Variants in HCK observed in about 807,000 individuals in gnomAD.
HCK encodes HCK proto-oncogene, Src family tyrosine kinase.
Under a neutral mutation model 70.4 loss-of-function variants are expected in HCK, and 40 were observed. That is an observed-to-expected ratio of 0.57 (90% CI 0.44 to 0.74). HCK has a LOEUF of 0.74. HCK is among the 30% of genes least tolerant of loss of function. The probability of loss-of-function intolerance (pLI) is 0.00; values close to 1 mark genes in which losing one functional copy is unlikely to be tolerated. For synonymous variants in HCK, 245 were observed against 263.2 expected, an observed-to-expected ratio of 0.93 and a Z score of 0.67; for missense variants, 568 against 697.2, an observed-to-expected ratio of 0.81 and a Z score of 2.09.
chr20:32,086,508 G>A (rs2045788692), intron 8 of HCK, 120 bp from the exon 9 acceptor site: 2 of 810,566 alleles, frequency 2.5e-6, no homozygotes, highest in Admixed American at 5.9e-5. Flanking sequence ...TTCCCTCTCT[G>A]AGAGTTGAGA....
chr20:32,064,559 G>A (rs762820738), intron 1 of HCK, among the ~76,000 whole-genome samples: 1 of 152,232 alleles, frequency 6.6e-6, no homozygotes, highest in Non-Finnish European at 1.5e-5. Context: ...TCAGAGACAA[G>A]TTGAGACTTG....
intron 6 of HCK, among the ~76,000 whole-genome samples, chr20:32,081,667 T>C (rs2045711149): frequency 6.6e-6 from 1 of 152,108 alleles, no homozygotes; most frequent in South Asian, 2.1e-4. Context: ...GGCAGCTCAG[T>C]GAATGCCTGG....
At chr20:32,052,528 AG>A in intron 1 of HCK, 42 bp downstream of exon 1, 1 of 1,242,702 alleles carries the variant, frequency 8.0e-7, no homozygotes, top group African/African-American at 1.6e-5. Flanking sequence ...CCGGCCCGCG[AG>A]GGGTCCCAGG....
chr20:32,084,067 A>C (rs1159463770), intron 7 of HCK, 24 bp downstream of exon 7: 1 of 1,609,334 alleles, frequency 6.2e-7, no homozygotes, highest in South Asian at 1.1e-5. Context: ...CAGGGGTGAC[A>C]TCCCCACCAC....
Position 32,073,713 on chromosome 20 carries a change from C to T in HCK, c.227-3C>T, listed in dbSNP as rs751505417. The stretch of plus-strand genomic sequence containing the variant: ...CTCACCCTCTGTGTGTCTCCCTTCC[C>T]AGCAGGCTCTGAGGACATCATCGTG... On this transcript the variant is annotated splice_region_variant and splice_polypyrimidine_tract_variant and intron_variant, in intron 3 of 12. Transcript: ENST00000375852. 2.4e-5 allele frequency: 37 copies of T among 1,552,716 alleles called. No homozygotes were observed. The highest frequency in any genetic ancestry group is 3.2e-5 in the Non-Finnish European group (37 of 1,146,088).
chr20:32,054,082 C>A, intron 1 of HCK: 1 of 389,500 alleles, frequency 2.6e-6, no homozygotes, highest in Non-Finnish European at 5.1e-6. Flanking sequence ...AATCCACCAT[C>A]CAGAATTAAC....
chr20:32,052,693 C>A (rs1371336945), intron 1 of HCK, among the ~76,000 whole-genome samples: 2 of 149,792 alleles, frequency 1.3e-5, no homozygotes, highest in Non-Finnish European at 2.9e-5. Context: ...GGCACTGTTG[C>A]GGACTGCTGG....
In HCK at chr20:32,079,864, C is replaced by G; in HGVS notation, c.519C>G (p.Ser173Arg). 5.0e-6 allele frequency: 8 copies of G among 1,612,570 alleles called. No individual in the cohort carries two copies. The highest frequency in any genetic ancestry group is 6.8e-6 in the Non-Finnish European group (8 of 1,178,636). The change falls in exon 6 of 13, where the codon AGC (serine) becomes AGG (arginine). Residue 173 changes from serine to arginine, a missense_variant. Ser to Arg is a moderately radical substitution (Grantham distance 110). Coordinates refer to ENST00000375852, the MANE Select transcript of HCK (RefSeq NM_002110.5). ...TGGGCTCCTTCATGATCCGGGATAG[C>G]GAGACCACTAAAGGTGACACCAGCC...
Position 32,063,854 on chromosome 20 carries a change from C to T in HCK, c.63-7808C>T, listed in dbSNP as rs909839891. Among the ~76,000 whole-genome samples, 19 of 151,614 alleles carry T rather than the reference C, an allele frequency of 1.3e-4. 2 individuals carry two copies. Among genetic ancestry groups the T allele is most frequent in the East Asian group, 1.9e-4 (1 of 5,152 alleles). ...AAATCCCTGAGATATCAGCTTCAGG[C>T]GAGGCTTAATCCAAGGCTGAGAGTC... On this transcript the variant is annotated intron_variant, in intron 1 of 12. Transcript: ENST00000375852.
intron 11 of HCK, among the ~76,000 whole-genome samples, chr20:32,094,700 A>AG (rs1555877759): frequency 4.4e-5 from 4 of 90,718 alleles, no homozygotes; most frequent in African/African-American, 2.0e-4. Context: ...AAAAGAAAAG[A>AG]AAAGAAAAGA....
chr20:32,083,786 A>AGGTGTCAGGAC, intron 6 of HCK, 108 bp from the exon 7 acceptor site: 1 of 1,326,852 alleles, frequency 7.5e-7, no homozygotes, highest in South Asian at 1.2e-5. Context: ...ACTTCTGCCC[A>AGGTGTCAGGAC]GGTGTCAGGA....
At chr20:32,054,183 A>G (rs752652010) in intron 1 of HCK, 90 of 456,174 alleles carry the variant, frequency 2.0e-4, no homozygotes, top group Middle Eastern at 1.9e-3. Flanking sequence ...CCCACCTTGT[A>G]TCACTCTCAG....
chr20:32,076,124 A>G (rs1165364380), intron 5 of HCK, among the ~76,000 whole-genome samples: 1 of 152,114 alleles, frequency 6.6e-6, no homozygotes, highest in Admixed American at 6.5e-5. Flanking sequence ...GGAGTTCGAG[A>G]CCAGCCTGAC....
rs780777361 is a variant in HCK, at chr20:32,101,453, A to C, written c.1515A>C (p.Glu505Asp). The C allele has an allele frequency of 1.9e-6, 3 of 1,613,910 alleles. No individual in the cohort carries two copies. Among genetic ancestry groups the C allele is most frequent in the East Asian group, 4.5e-5 (2 of 44,894 alleles). Residue 505 changes from glutamate (E) to aspartate (D), a missense_variant, in exon 13 of 13, where the codon GAA becomes GAC. By Grantham distance (45) the Glu-to-Asp change is conservative. Coordinates refer to ENST00000375852, the MANE Select transcript of HCK (RefSeq NM_002110.5). ...GTCCGGAGGAGCGGCCGACCTTCGA[A>C]TACATCCAGAGTGTGCTGGATGACT...
chr20:32,061,315 G>A (rs1454503612), intron 1 of HCK, among the ~76,000 whole-genome samples: 1 of 152,208 alleles, frequency 6.6e-6, no homozygotes, highest in Non-Finnish European at 1.5e-5. Context: ...TGTCAAGGCT[G>A]TTAAGGAGCC....
chr20:32,063,801 G>A (rs2045414698), intron 1 of HCK, among the ~76,000 whole-genome samples: 1 of 151,250 alleles, frequency 6.6e-6, no homozygotes, highest in South Asian at 2.1e-4. Context: ...CTCAAAACTG[G>A]CTCAAGCAGA....
At chr20:32,098,284 G>A (rs2122249761) in intron 11 of HCK, among the ~76,000 whole-genome samples, 1 of 152,054 alleles carries the variant, frequency 6.6e-6, no homozygotes, top group African/African-American at 2.4e-5. Flanking sequence ...CTCCTCCTTG[G>A]TCTCCCAAAG....
At chr20:32,067,871 G>T (rs1027843013) in intron 1 of HCK, among the ~76,000 whole-genome samples, 10 of 151,996 alleles carry the variant, frequency 6.6e-5, no homozygotes, top group African/African-American at 2.4e-4. Context: ...AAAATGTAAA[G>T]TATCTCATTC....
At chr20:32,079,738 C>G in intron 5 of HCK, 36 bp from the exon 6 acceptor site, 1 of 1,458,254 alleles carries the variant, frequency 6.9e-7, no homozygotes, top group Non-Finnish European at 9.6e-7. Context: ...ACTGCATGAC[C>G]CCAGGTTCAC....
Sources: gnomAD v4.1 joint callset for allele counts (sites outside exome capture counted in the v4.1 genomes callset) on GRCh38, gnomAD v4.1.1 for gene constraint, MANE v1.5 for transcripts, NCBI Gene and HGNC (gene_info 2026-07-23, HGNC 2026-07-21) for gene names.